Variants in SHROOM3 observed in about 807,000 individuals in gnomAD.
SHROOM3 encodes shroom family member 3, also known as protein Shroom3.
A neutral mutation model predicts 138.6 loss-of-function variants in SHROOM3; 47 were observed. The ratio of observed to expected loss-of-function variants is 0.34; its 90% CI spans 0.27 to 0.43. The LOEUF (loss-of-function observed/expected upper bound fraction) is 0.43. Ranked by LOEUF, SHROOM3 falls within the 20% of genes least tolerant of loss-of-function variation. The pLI, the probability that SHROOM3 is intolerant of heterozygous loss-of-function variation, is 1.00. For synonymous variants in SHROOM3, 1,062 were observed against 1,063.3 expected, an observed-to-expected ratio of 1.00 and a Z score of 0.02; for missense variants, 2,491 against 2,596.5, an observed-to-expected ratio of 0.96 and a Z score of 0.88.
intron 1 of SHROOM3, among the ~76,000 whole-genome samples, chr4:76,485,074 G>T (rs1020648794): frequency 2.0e-5 from 3 of 152,196 alleles, no homozygotes; most frequent in South Asian, 2.1e-4. Context: ...ACACACTGTT[G>T]TCGCCTTTCC....
intron 1 of SHROOM3, among the ~76,000 whole-genome samples, chr4:76,469,319 T>C (rs1179970999): frequency 6.6e-6 from 1 of 152,154 alleles, no homozygotes; most frequent in Non-Finnish European, 1.5e-5. Flanking sequence ...TGTTGAGCAA[T>C]GTGGATGTTA....
intron 1 of SHROOM3, among the ~76,000 whole-genome samples, chr4:76,502,592 C>T (rs1403901294): frequency 1.3e-5 from 2 of 152,174 alleles, no homozygotes; most frequent in African/African-American, 2.4e-5. Flanking sequence ...GGGAAAACCC[C>T]CCACCCTCTG....
chr4:76,688,356 G>C, intron 2 of SHROOM3: 4 of 983,964 alleles, frequency 4.1e-6, no homozygotes, highest in Non-Finnish European at 4.8e-6. Context: ...GGATATAAGA[G>C]CACAGACAAG....
intron 1 of SHROOM3, among the ~76,000 whole-genome samples, chr4:76,445,624 A>T (rs1339321929): frequency 1.3e-5 from 2 of 152,202 alleles, no homozygotes; most frequent in Non-Finnish European, 2.9e-5. Context: ...AGAGAGTAGT[A>T]TGAGAAATGG....
At chr4:76,493,156 G>A (rs984111931) in intron 1 of SHROOM3, among the ~76,000 whole-genome samples, 22 of 148,830 alleles carry the variant, frequency 1.5e-4, no homozygotes, top group African/African-American at 5.0e-4. Flanking sequence ...GAGAGGCGGC[G>A]GTTGCAGTGA....
At chr4:76,446,541 T>TG (rs1730809665) in intron 1 of SHROOM3, among the ~76,000 whole-genome samples, 1 of 152,114 alleles carries the variant, frequency 6.6e-6, no homozygotes, top group Admixed American at 6.5e-5. Flanking sequence ...TCTGGTTGTT[T>TG]GGGTGGGGTA....
At chr4:76,735,852 AAAAAAAAAAAAAAAAAATATATATATAT>A (rs1433831400) in intron 4 of SHROOM3, among the ~76,000 whole-genome samples, 2 of 56,630 alleles carry the variant, frequency 3.5e-5, no homozygotes, top group African/African-American at 1.2e-4. Flanking sequence ...AAAAAAAAAA[AAAAAAAAAAAAAAAAAATATATATATAT>A]ATATATATAT....
At chr4:76,726,541 T>TAAAAAAAAAAAAAAAA (rs61455146) in intron 3 of SHROOM3, among the ~76,000 whole-genome samples, 13 of 90,836 alleles carry the variant, frequency 1.4e-4, no homozygotes, top group African/African-American at 5.4e-4. Flanking sequence ...CCCCTCCATC[T>TAAAAAAAAAAAAAAAA]AAAAAAAAAA....
chr4:76,626,148 G>T (rs999629822), intron 2 of SHROOM3, among the ~76,000 whole-genome samples: 1 of 152,186 alleles, frequency 6.6e-6, no homozygotes, highest in South Asian at 2.1e-4. Flanking sequence ...AAGCACGTAC[G>T]TAGGGCTGCT....
Position 76,780,965 on chromosome 4 carries a change from C to T in SHROOM3, c.*1788C>T, listed in dbSNP as rs1722721130. Reference sequence around the variant, plus strand: ...CTTGCTGATACTGAATGAGCCCTCACAAGCCAAGCCAGGTGGAAGACAGCC... The same window carrying T: ...CTTGCTGATACTGAATGAGCCCTCATAAGCCAAGCCAGGTGGAAGACAGCC... On this transcript the variant is annotated 3_prime_UTR_variant, in exon 11 of 11. Coordinates refer to ENST00000296043, the MANE Select transcript of SHROOM3 (RefSeq NM_020859.4). 1 of 152,202 alleles carries T rather than the reference C, an allele frequency of 6.6e-6. No homozygotes were observed. Among genetic ancestry groups the T allele is most frequent in the Admixed American group, 6.5e-5 (1 of 15,282 alleles). The allele number at this position is 152,202 out of a possible 1,614,324, so 9.4% of individuals were successfully genotyped here.
At chr4:76,534,513 G>A (rs1301563170) in intron 1 of SHROOM3, among the ~76,000 whole-genome samples, 1 of 134,166 alleles carries the variant, frequency 7.5e-6, no homozygotes, top group Non-Finnish European at 1.6e-5. Flanking sequence ...ATTTATTGTT[G>A]TCATTGACCA....
intron 2 of SHROOM3, among the ~76,000 whole-genome samples, chr4:76,614,605 G>A (rs946902556): frequency 6.6e-6 from 1 of 152,142 alleles, no homozygotes; most frequent in Admixed American, 6.5e-5. Flanking sequence ...AGCCCTGCAT[G>A]CATTAGGTAT....
At chr4:76,650,144 A>G (rs1269825771) in intron 2 of SHROOM3, among the ~76,000 whole-genome samples, 2 of 152,194 alleles carry the variant, frequency 1.3e-5, no homozygotes, top group South Asian at 2.1e-4. Flanking sequence ...TTAAGACCTT[A>G]TCTCCAAATA....
intron 1 of SHROOM3, among the ~76,000 whole-genome samples, chr4:76,480,933 A>G (rs375943866): frequency 2.6e-5 from 4 of 152,206 alleles, no homozygotes; most frequent in African/African-American, 9.7e-5. Context: ...TTTGAAACCA[A>G]TGAGAACAAA....
chr4:76,610,017 A>G (rs71607365), intron 2 of SHROOM3, among the ~76,000 whole-genome samples: 2 of 152,204 alleles, frequency 1.3e-5, no homozygotes, highest in Non-Finnish European at 2.9e-5. Flanking sequence ...CCTGGGCAAG[A>G]AAGGGGAAGA....
At position 76,557,103 on chromosome 4, in the gene SHROOM3, A is replaced by G. The variant is rs966929488; in HGVS notation, c.323+1340A>G. Among the ~76,000 whole-genome samples the G allele has an allele frequency of 1.3e-5, 2 of 152,164 alleles. 1 individual carries two copies. The highest frequency in any genetic ancestry group is 1.3e-4 in the Admixed American group (2 of 15,258). ...ATTACTTAACCTCACTGAAAATTCA[A>G]TATCCTCATCTTTAAATGAGGATTT... On this transcript the variant is annotated intron_variant, in intron 2 of 10. Coordinates refer to ENST00000296043, the MANE Select transcript of SHROOM3 (RefSeq NM_020859.4).
Position 76,705,743 on chromosome 4 carries a change from T to C in SHROOM3, c.324-4413T>C, listed in dbSNP as rs115192478. Among the ~76,000 whole-genome samples the C allele has an allele frequency of 7.0e-3, 1,062 of 152,306 alleles. 10 individuals carry two copies. The highest frequency in any genetic ancestry group is 0.024 in the African/African-American group (994 of 41,558). On this transcript the variant is annotated intron_variant, in intron 2 of 10. Transcript: ENST00000296043. Reference sequence around the variant, plus strand: ...TTGATTCCTAGCTCTTCACTCATAGTGGTAATATTGAGATATAGATACTGG... The same window carrying C: ...TTGATTCCTAGCTCTTCACTCATAGCGGTAATATTGAGATATAGATACTGG...
chr4:76,658,210 G>T (rs57608067), intron 2 of SHROOM3, among the ~76,000 whole-genome samples: 3 of 152,020 alleles, frequency 2.0e-5, no homozygotes, highest in Non-Finnish European at 2.9e-5. Context: ...CAAATTACAG[G>T]GTTTCAAACC....
At chr4:76,634,177 CT>C (rs1735424748) in intron 2 of SHROOM3, among the ~76,000 whole-genome samples, 1 of 152,128 alleles carries the variant, frequency 6.6e-6, no homozygotes, top group African/African-American at 2.4e-5. Flanking sequence ...ATTTTTCTAC[CT>C]GACAGCTAGG....
Sources: allele counts gnomAD v4.1 joint callset (sites outside exome capture counted in the v4.1 genomes callset), GRCh38; gene constraint gnomAD v4.1.1; transcripts MANE v1.5; gene names NCBI Gene and HGNC (gene_info 2026-07-23, HGNC 2026-07-21).